Variants in SYNE2 observed in about 807,000 individuals in gnomAD.
SYNE2 encodes nesprin-2.
SYNE2 carries 431 observed loss-of-function variants against 856.3 expected under a neutral mutation model. The observed-to-expected ratio is 0.50, with a 90% CI of 0.47 to 0.55. The LOEUF (loss-of-function observed/expected upper bound fraction) is 0.55, where lower values mean the gene tolerates loss of function less well. SYNE2 is among the 20% of genes least tolerant of loss of function. The probability of loss-of-function intolerance (pLI) is 0.00; values close to 1 mark genes in which losing one functional copy is unlikely to be tolerated. For synonymous variants in SYNE2, 2,923 were observed against 2,872.3 expected (o/e 1.02, Z -0.56); for missense variants, 8,129 against 8,023.2 (o/e 1.01, Z -0.50).
chr14:64,003,559 G>A (rs971342946), intron 30 of SYNE2, among the ~76,000 whole-genome samples: 1 of 152,170 alleles, frequency 6.6e-6, no homozygotes. Context: ...TGTATCTTAT[G>A]GATGAAGGAG....
At chr14:64,153,339 A>G (rs1299013720) in intron 85 of SYNE2, among the ~76,000 whole-genome samples, 1 of 152,238 alleles carries the variant, frequency 6.6e-6, no homozygotes, top group African/African-American at 2.4e-5. Flanking sequence ...ACATTTTCCC[A>G]CAACAGAGGA....
chr14:63,807,369 T>C (rs1333440226), intron 1 of SYNE2, among the ~76,000 whole-genome samples: 1 of 149,974 alleles, frequency 6.7e-6, no homozygotes, highest in Non-Finnish European at 1.5e-5. Flanking sequence ...AGTAGGTCTG[T>C]ACTAAAGTGG....
rs11334415 is a variant in SYNE2 at position 63,827,625 on chromosome 14, C to CAAAAAAAAA, written c.-304-24853_-304-24845dup. Among the ~76,000 whole-genome samples, 197 of 28,396 alleles carry CAAAAAAAAA rather than the reference C, an allele frequency of 6.9e-3. 1 individual carries two copies. The highest frequency in any genetic ancestry group is 7.6e-3 in the Non-Finnish European group (121 of 15,872). 18.6% of individuals were successfully genotyped at this position (28,396 alleles called of 152,430 possible). ...GGGCAACAAGATTGAAACTCTGTCT[C>CAAAAAAAAA]AAAAAAAAAAAAAAAAAAAAAAAAA... is the stretch of plus-strand genomic sequence containing the variant. On this transcript the variant is annotated intron_variant, in intron 1 of 23. Coordinates refer to the SYNE2 transcript ENST00000674003.
intron 38 of SYNE2, 112 bp from the exon 39 acceptor site, chr14:64,024,145 A>T (rs2096959435): frequency 2.4e-6 from 2 of 837,868 alleles, no homozygotes; most frequent in African/African-American, 1.7e-5. Flanking sequence ...TTCGTATAGG[A>T]TCTTAAGAAG....
intron 30 of SYNE2, among the ~76,000 whole-genome samples, chr14:64,005,074 A>C (rs1432901624): frequency 1.3e-5 from 2 of 152,164 alleles, no homozygotes; most frequent in Non-Finnish European, 2.9e-5. Flanking sequence ...TGTTTGAGGA[A>C]AGGCAAGGAG....
At chr14:64,201,696 CAAGT>C (rs914632291) in intron 99 of SYNE2, among the ~76,000 whole-genome samples, 2 of 152,134 alleles carry the variant, frequency 1.3e-5, no homozygotes, top group Admixed American at 1.3e-4. Flanking sequence ...GTTGTTCGGT[CAAGT>C]AAGAGGTGAT....
At chr14:64,038,702 G>C (rs985831074) in intron 45 of SYNE2, among the ~76,000 whole-genome samples, 2 of 152,246 alleles carry the variant, frequency 1.3e-5, no homozygotes, top group Non-Finnish European at 2.9e-5. Flanking sequence ...AACCAGTCAG[G>C]CGTGGCGGCG....
chr14:64,141,393 G>C lies in SYNE2; in HGVS notation c.15029G>C (p.Ser5010Thr), dbSNP rs767249211. The change falls in exon 81 of 116, where the codon AGT becomes ACT. Residue 5010 changes from serine to threonine, a missense_variant. Ser to Thr is a moderately conservative substitution (Grantham distance 58, BLOSUM62 1). Transcript: ENST00000555002. ...TCCTCCTTGAAGACTGCCGTTATCA[G>C]TATCGGGAACCAGCTTCTTCACCTG... ...EKSSLKTAVISIGNQLLHLKE... is the reference protein window; with the variant it reads ...EKSSLKTAVITIGNQLLHLKE... 5 of 1,613,952 alleles carry C rather than the reference G, an allele frequency of 3.1e-6. No individual in the cohort carries two copies. The highest frequency in any genetic ancestry group is 4.2e-6 in the Non-Finnish European group (5 of 1,180,006).
chr14:63,888,467 T>A (rs2095049903), intron 1 of SYNE2, among the ~76,000 whole-genome samples: 1 of 152,162 alleles, frequency 6.6e-6, no homozygotes, highest in Non-Finnish European at 1.5e-5. Context: ...CTGCTGCCTA[T>A]TCACCATTCC....
chr14:63,884,852 G>C (rs1295572097), intron 1 of SYNE2, among the ~76,000 whole-genome samples: 1 of 152,030 alleles, frequency 6.6e-6, no homozygotes, highest in Non-Finnish European at 1.5e-5. Context: ...GGGTTAGCCA[G>C]GATGGTCTCG....
At chr14:63,938,929 T>C (rs576486911) in intron 2 of SYNE2, among the ~76,000 whole-genome samples, 119 of 146,224 alleles carry the variant, frequency 8.1e-4, no homozygotes, top group Middle Eastern at 3.5e-3. Context: ...CTAGAGTGCA[T>C]GTGCGTGTGT....
intron 67 of SYNE2, among the ~76,000 whole-genome samples, chr14:64,119,826 C>T (rs772981918): frequency 6.6e-6 from 1 of 151,930 alleles, no homozygotes; most frequent in Non-Finnish European, 1.5e-5. Flanking sequence ...TTGGTGATGG[C>T]GGTGGTTTGG....
rs201560666 is a variant in SYNE2, at chr14:63,959,036, A to G, written c.788-2489A>G. Among the ~76,000 whole-genome samples the G allele has an allele frequency of 3.5e-4, 53 of 152,162 alleles. No homozygotes were observed. In the East Asian group the frequency reaches 8.3e-3, roughly 24 times the overall value. On this transcript the variant is annotated intron_variant, in intron 8 of 115. Coordinates refer to ENST00000555002, the MANE Select transcript of SYNE2 (RefSeq NM_182914.3). ...TGGCCTGACAAGACGCTGCAGGCTC[A>G]TCTTGTATATTTCCTGCCCCAGTCT...
chr14:64,002,572 GTTT>G, intron 29 of SYNE2, 145 bp from the exon 30 acceptor site: 1 of 826,686 alleles, frequency 1.2e-6, no homozygotes, highest in Non-Finnish European at 1.9e-6. Flanking sequence ...TAATTAAAAT[GTTT>G]CCTTAGGTAG....
intron 85 of SYNE2, among the ~76,000 whole-genome samples, 194 bp downstream of exon 85, chr14:64,152,910 C>G (rs540301301): frequency 6.6e-6 from 1 of 152,332 alleles, no homozygotes; most frequent in East Asian, 1.9e-4. Context: ...GGCAAAGCCA[C>G]CAATTCCAAC....
In SYNE2 at chr14:64,219,294, G is replaced by A; in HGVS notation, c.19744G>A (p.Asp6582Asn). The A allele has an allele frequency of 6.2e-7, 1 of 1,613,972 alleles. No individual in the cohort carries two copies. Among genetic ancestry groups the A allele is most frequent in the South Asian group, 1.1e-5 (1 of 91,074 alleles). The change falls in exon 110 of 116, where the codon GAT becomes AAT. Residue 6582 changes from aspartate (D) to asparagine (N), a missense_variant. Around this residue, in one of 3 missense-constraint regions of SYNE2, gnomAD observed 5,410 missense variants for 5,284.8 expected, o/e 1.02. Coordinates refer to ENST00000555002, the MANE Select transcript of SYNE2 (RefSeq NM_182914.3). ...IKQNLQQLNSDISAITTWLKK... is the reference protein window; with the variant it reads ...IKQNLQQLNSNISAITTWLKK... Reference sequence around the variant, plus strand: ...ACAAAATTTGCAACAGCTGAACTCTGATATCAGCGCCATCACTACTTGGCT... The same window carrying A: ...ACAAAATTTGCAACAGCTGAACTCTAATATCAGCGCCATCACTACTTGGCT...
chr14:63,851,435 G>A (rs1006241206), upstream of SYNE2, among the ~76,000 whole-genome samples: 4 of 152,272 alleles, frequency 2.6e-5, no homozygotes, highest in African/African-American at 7.2e-5. Context: ...TGTGACTCAA[G>A]CCATTGTTAA....
chr14:64,090,044 C>T (rs2097596236), intron 59 of SYNE2, among the ~76,000 whole-genome samples: 1 of 152,142 alleles, frequency 6.6e-6, no homozygotes, highest in Non-Finnish European at 1.5e-5. Flanking sequence ...TGCACTGGTA[C>T]TGAGGAGATT....
chr14:64,140,350 G>A (rs2098129573), intron 80 of SYNE2, among the ~76,000 whole-genome samples: 1 of 152,246 alleles, frequency 6.6e-6, no homozygotes, highest in Non-Finnish European at 1.5e-5. Context: ...TTGGGAGGCT[G>A]AGGCAGTGGA....
Sources: gnomAD v4.1 joint callset for allele counts (sites outside exome capture counted in the v4.1 genomes callset) on GRCh38, gnomAD v4.1.1 for gene constraint, gnomAD v4.1.1 regional missense constraint, MANE v1.5 for transcripts, NCBI Gene and HGNC (gene_info 2026-07-23, HGNC 2026-07-21) for gene names.